Variants in DNASE1L3 observed in about 807,000 individuals in gnomAD.
DNASE1L3 encodes the protein deoxyribonuclease gamma.
In DNASE1L3, 27 loss-of-function variants were observed where a neutral mutation model predicts 30.9. That is an observed-to-expected ratio of 0.87 (90% CI 0.64 to 1.20). The LOEUF (loss-of-function observed/expected upper bound fraction) is 1.20. Ranked by LOEUF, DNASE1L3 falls within the 50% of genes most tolerant of loss-of-function variation. The pLI, the probability that DNASE1L3 is intolerant of heterozygous loss-of-function variation, is 0.00. For synonymous variants in DNASE1L3, 135 were observed against 138.0 expected, an observed-to-expected ratio of 0.98 and a Z score of 0.15; for missense variants, 364 against 378.2, an observed-to-expected ratio of 0.96 and a Z score of 0.31.
At chr3:58,198,596 G>A (rs1042482205) in intron 5 of DNASE1L3, among the ~76,000 whole-genome samples, 1 of 152,190 alleles carries the variant, frequency 6.6e-6, no homozygotes, top group Non-Finnish European at 1.5e-5. Flanking sequence ...TTCTTAACAG[G>A]AAGGAGAATG....
chr3:58,206,157 A>G (rs1045184112), intron 2 of DNASE1L3, among the ~76,000 whole-genome samples: 2 of 152,200 alleles, frequency 1.3e-5, no homozygotes, highest in African/African-American at 4.8e-5. Context: ...ATGAAGTCCC[A>G]TTGACCTTGC....
Position 58,197,739 on chromosome 3 carries a change from C to T in DNASE1L3, c.704+82G>A. 1 of 1,598,602 alleles carries T rather than the reference C, an allele frequency of 6.3e-7. No individual in the cohort carries two copies. The highest frequency in any genetic ancestry group is 8.5e-7 in the Non-Finnish European group (1 of 1,170,422). On this transcript the variant is annotated intron_variant, in intron 6 of 7. Transcript: ENST00000394549. This position sits in a 1 kb window ranked among gnomAD's most constrained non-coding sequence, Gnocchi z 5.3. ...AAGTGCTAGGACTACTGGCGTGAGC[C>T]ACAGTGCCCAGCCACCTTGCGTCTT...
At position 58,210,854 on chromosome 3, in the gene DNASE1L3, G is replaced by T; in HGVS notation, c.53C>A (p.Ala18Asp). 4 of 1,614,148 alleles carry T rather than the reference G, an allele frequency of 2.5e-6. No homozygotes were observed. Among genetic ancestry groups the T allele is most frequent in the Non-Finnish European group, 3.4e-6 (4 of 1,180,032 alleles). ...LLLLLLSIHS[A>D]LAMRICSFNV... is the part of the protein sequence containing the mutation. ...GAAGGAGCAGATCCTCATGGCCAGG[G>T]CGCTGTGGATGGAGAGGAGGAGAAG... The change falls in exon 1 of 8, where the codon GCC becomes GAC. Residue 18 changes from alanine to aspartate, a missense_variant. Physicochemically the swap from Ala to Asp is moderately radical, Grantham distance 126. Transcript: ENST00000394549.
chr3:58,210,554 T>G (rs1384650074), intron 1 of DNASE1L3, among the ~76,000 whole-genome samples: 1 of 152,056 alleles, frequency 6.6e-6, no homozygotes, highest in African/African-American at 2.4e-5. Flanking sequence ...ACTCCTGTAG[T>G]CCCCCCAGCA....
At chr3:58,208,912 G>A (rs1338914364) in intron 1 of DNASE1L3, among the ~76,000 whole-genome samples, 1 of 152,094 alleles carries the variant, frequency 6.6e-6, no homozygotes. Context: ...ACTTAGGTCT[G>A]CGTGACTACA....
rs2097398237 is a variant in DNASE1L3 at position 58,197,755 on chromosome 3, C to CT, written c.704+65dup. ...GGCGTGAGCCACAGTGCCCAGCCAC[C>CT]TTGCGTCTTTCCTAGTGCACACCAA... On this transcript the variant is annotated intron_variant, in intron 6 of 7. Coordinates refer to ENST00000394549, the MANE Select transcript of DNASE1L3 (RefSeq NM_004944.4). This position sits in a 1 kb window ranked among gnomAD's most constrained non-coding sequence, Gnocchi z 5.3. 1 of 1,608,840 alleles carries CT rather than the reference C, an allele frequency of 6.2e-7. No individual in the cohort carries two copies.
intron 4 of DNASE1L3, among the ~76,000 whole-genome samples, chr3:58,203,155 C>G (rs779145364): frequency 6.6e-6 from 1 of 152,190 alleles, no homozygotes; most frequent in Non-Finnish European, 1.5e-5. Flanking sequence ...GTGGGGCGGT[C>G]ACTGCTCAAG....
At chr3:58,208,167 G>T in intron 2 of DNASE1L3, 51 bp downstream of exon 2, 2 of 1,554,312 alleles carry the variant, frequency 1.3e-6, no homozygotes, top group Non-Finnish European at 1.8e-6. Flanking sequence ...GTTTTCAGAT[G>T]CCCTTGCACT....
At chr3:58,199,281 G>A (rs545559797) in intron 5 of DNASE1L3, among the ~76,000 whole-genome samples, 3 of 152,294 alleles carry the variant, frequency 2.0e-5, no homozygotes, top group African/African-American at 7.2e-5. Context: ...ACAATAGGAG[G>A]TACAAGAGCC....
chr3:58,201,939 G>A (rs1249544795), intron 4 of DNASE1L3, among the ~76,000 whole-genome samples: 2 of 152,196 alleles, frequency 1.3e-5, no homozygotes, highest in Non-Finnish European at 2.9e-5. Context: ...CAGGGAACAA[G>A]CATTCTGTTT....
chr3:58,196,551 TAAAAAAAAAAA>T (rs60743972), intron 6 of DNASE1L3, among the ~76,000 whole-genome samples: 5 of 60,714 alleles, frequency 8.2e-5, no homozygotes, highest in African/African-American at 2.5e-4. Context: ...AGACTCTGTC[TAAAAAAAAAAA>T]AAAAAAAAAA....
At position 58,192,886 on chromosome 3, in the gene DNASE1L3, A is replaced by C; in HGVS notation, c.802-83T>G. 4 of 1,570,894 alleles carry C rather than the reference A, an allele frequency of 2.5e-6. No homozygotes were observed. Among genetic ancestry groups the C allele is most frequent in the Non-Finnish European group, 3.4e-6 (4 of 1,162,072 alleles). ...CATTTTAGCGATGAGCAAATTTAGG[A>C]CCAGGGAGGGGAGAGGAAATGCCCG... On this transcript the variant is annotated intron_variant, in intron 7 of 7. Coordinates refer to ENST00000394549, the MANE Select transcript of DNASE1L3 (RefSeq NM_004944.4). The surrounding 1 kb of genome is among the most constrained non-coding windows in gnomAD (Gnocchi z 4.8).
chr3:58,205,797 C>G (rs1403479323), intron 2 of DNASE1L3, among the ~76,000 whole-genome samples: 9 of 152,214 alleles, frequency 5.9e-5, no homozygotes, highest in Non-Finnish European at 1.3e-4. Flanking sequence ...ATCATTACCC[C>G]CTTTCTATGG....
At position 58,201,010 on chromosome 3, in the gene DNASE1L3, C is replaced by T. The variant is rs3772986; in HGVS notation, c.533G>A (p.Arg178His). 35 of 1,611,772 alleles carry T rather than the reference C, an allele frequency of 2.2e-5. No individual in the cohort carries two copies. The highest frequency in any genetic ancestry group is 1.8e-4 in the Admixed American group (11 of 59,840). ...AGCAGTCCTCACCTCCGCCTTCCAGCGGTGTTTCACGTCCGTGTAGACCTC... is the reference window on the plus strand; with the variant it reads ...AGCAGTCCTCACCTCCGCCTTCCAGTGGTGTTTCACGTCCGTGTAGACCTC... ...LVEVYTDVKH[R>H]WKAENFIFMG... Residue 178 changes from arginine to histidine, a missense_variant, in exon 5 of 8, where the codon CGC (arginine) becomes CAC (histidine). Arg to His is a conservative substitution (Grantham distance 29). Transcript: ENST00000394549.
intron 6 of DNASE1L3, among the ~76,000 whole-genome samples, chr3:58,193,958 C>T (rs2097395687): frequency 6.6e-6 from 1 of 152,128 alleles, no homozygotes; most frequent in Non-Finnish European, 1.5e-5. Context: ...TTTACGTTAC[C>T]TTCAATTTAT....
chr3:58,201,001 G>T lies in DNASE1L3; in HGVS notation c.542C>A (p.Ala181Glu), dbSNP rs371048745. 5 of 1,610,564 alleles carry T rather than the reference G, an allele frequency of 3.1e-6. No individual in the cohort carries two copies. The South Asian group carries it at 5.5e-5, about 18-fold the overall frequency. ...GTCTGACACAGCAGTCCTCACCTCC[G>T]CCTTCCAGCGGTGTTTCACGTCCGT... ...VYTDVKHRWK[A>E]ENFIFMGDFN... Residue 181 changes from alanine (A) to glutamate (E), a missense_variant, in exon 5 of 8, where the codon GCG becomes GAG. Ala to Glu is a moderately radical substitution (Grantham distance 107). Transcript: ENST00000394549.
chr3:58,203,504 A>G (rs1399965568), intron 4 of DNASE1L3, among the ~76,000 whole-genome samples: 4 of 152,218 alleles, frequency 2.6e-5, no homozygotes, highest in Admixed American at 2.0e-4. Flanking sequence ...ATAACACTGC[A>G]TGTTAACCAC....
At chr3:58,196,315 C>T (rs1363899335) in intron 6 of DNASE1L3, among the ~76,000 whole-genome samples, 2 of 151,192 alleles carry the variant, frequency 1.3e-5, no homozygotes, top group Admixed American at 6.6e-5. Context: ...GAGGCCGAGG[C>T]GGGCGGATCA....
At chr3:58,209,329 A>T (rs1016732704) in intron 1 of DNASE1L3, among the ~76,000 whole-genome samples, 1 of 152,294 alleles carries the variant, frequency 6.6e-6, no homozygotes, top group Non-Finnish European at 1.5e-5. Flanking sequence ...CTCACCAAGG[A>T]ACAAAAAGAC....
Sources: gnomAD v4.1 joint callset for allele counts (sites outside exome capture counted in the v4.1 genomes callset) on GRCh38, gnomAD v4.1.1 for gene constraint, Gnocchi (gnomAD v3.1) non-coding constraint, MANE v1.5 for transcripts, NCBI Gene and HGNC (gene_info 2026-07-23, HGNC 2026-07-21) for gene names.